The following MAP3K4 variants were observed in gnomAD, a reference collection of about 807,000 sequenced individuals.
MAP3K4 encodes MAP three kinase 1.
Under a neutral mutation model 185.6 loss-of-function variants are expected in MAP3K4, and 67 were observed. That is an observed-to-expected ratio of 0.36 (90% CI 0.30 to 0.44). The LOEUF is 0.44. Among genes scored for constraint, MAP3K4 ranks in the 20% least tolerant of loss-of-function variants. The pLI is 1.00. For missense variants in MAP3K4, 1,551 were observed against 1,995.1 expected, an observed-to-expected ratio of 0.78 and a Z score of 4.24; for synonymous variants, 702 against 710.4, an observed-to-expected ratio of 0.99 and a Z score of 0.19.
At position 161,090,461 on chromosome 6, in the gene MAP3K4, A is replaced by G. The variant is rs552105621; in HGVS notation, c.2974-918A>G. ...ATTGTAGGATGTTTAGAGCTAGGGC[A>G]GGGCTTCTCAGCCTCTTGGATGTGG... On this transcript the variant is annotated intron_variant, in intron 11 of 26. Coordinates refer to ENST00000392142, the MANE Select transcript of MAP3K4 (RefSeq NM_005922.4). 3.6e-5 allele frequency among the ~76,000 whole-genome samples: 5 copies of G among 139,268 alleles called. No individual in the cohort carries two copies. In the South Asian group the frequency reaches 1.2e-3, roughly 33 times the overall value. 91.4% of individuals were successfully genotyped at this position (139,268 alleles called of 152,430 possible).
At chr6:161,079,446 G>A (rs894400941) in intron 5 of MAP3K4, among the ~76,000 whole-genome samples, 11 of 151,884 alleles carry the variant, frequency 7.2e-5, no homozygotes, top group African/African-American at 1.2e-4. Flanking sequence ...TTGTGGTGGC[G>A]CATGCCTGTA....
chr6:161,104,461 C>T (rs1777972467), intron 19 of MAP3K4, among the ~76,000 whole-genome samples: 1 of 150,618 alleles, frequency 6.6e-6, no homozygotes, highest in Non-Finnish European at 1.5e-5. Context: ...CACCTGTAAT[C>T]CCAGCACTTT....
chr6:161,026,528 T>C (rs944165352), intron 1 of MAP3K4, among the ~76,000 whole-genome samples: 3 of 152,144 alleles, frequency 2.0e-5, no homozygotes, highest in Non-Finnish European at 4.4e-5. Context: ...GATGAAGATA[T>C]ATATAGACAC....
intron 1 of MAP3K4, among the ~76,000 whole-genome samples, chr6:161,015,532 G>A (rs1272071108): frequency 6.6e-6 from 1 of 152,148 alleles, no homozygotes; most frequent in Non-Finnish European, 1.5e-5. Context: ...AATTTATAAA[G>A]AAAAGAGGTT....
At position 160,992,008 on chromosome 6, in the gene MAP3K4, C is replaced by T; in HGVS notation, c.77C>T (p.Pro26Leu). Residue 26 changes from proline to leucine, a missense_variant, in exon 1 of 27, where the codon CCG becomes CTG. Physicochemically the swap from Pro to Leu is moderately conservative, Grantham distance 98 (BLOSUM62 -3). Around this residue, in one of 16 missense-constraint regions of MAP3K4, gnomAD observed 287 missense variants for 268.8 expected, o/e 1.07. Transcript: ENST00000392142. ...CCTGCCGCCGCCATGGAGGAGCCGCCGCCACCGCCGCCGCCGCCACCACCG... is the reference window on the plus strand; with the variant it reads ...CCTGCCGCCGCCATGGAGGAGCCGCTGCCACCGCCGCCGCCGCCACCACCG... ...VTPAAAMEEP[P>L]PPPPPPPPPP... 1.9e-6 allele frequency: 3 copies of T among 1,545,020 alleles called. No individual in the cohort carries two copies. Among genetic ancestry groups the T allele is most frequent in the East Asian group, 2.5e-5 (1 of 40,262 alleles).
rs1483454769 is a variant in MAP3K4 at position 161,091,911 on chromosome 6, T to G, written c.3136-99T>G. The G allele has an allele frequency of 9.8e-7, 1 of 1,022,200 alleles. No homozygotes were observed. Among genetic ancestry groups the G allele is most frequent in the East Asian group, 2.4e-5 (1 of 41,856 alleles). The allele number at this position is 1,022,200 out of a possible 1,614,324, so 63.3% of individuals were successfully genotyped here. A position where few individuals can be genotyped will look rare whatever the true frequency, so the allele number is the denominator to read the frequency against. On this transcript the variant is annotated intron_variant, in intron 12 of 26. Transcript: ENST00000392142. The surrounding 1 kb of genome is among the most constrained non-coding windows in gnomAD (Gnocchi z 5.5). Reference sequence around the variant, plus strand: ...TATAGAAATTTTAATTGGATTTCACTTTTTGTTTTTAGAAAACATTTTAGA... The same window carrying G: ...TATAGAAATTTTAATTGGATTTCACGTTTTGTTTTTAGAAAACATTTTAGA...
Position 161,051,910 on chromosome 6 carries a change from C to G in MAP3K4, c.1707+1931C>G, listed in dbSNP as rs1276317258. On this transcript the variant is annotated intron_variant, in intron 3 of 26. Transcript: ENST00000392142. This position sits in a 1 kb window ranked among gnomAD's most constrained non-coding sequence, Gnocchi z 4.2. ...CTACGTTGCCCAGGCTGGACTCAAACTCGTGGGCTAAAACAGTCCTCCTGC... is the reference window on the plus strand; with the variant it reads ...CTACGTTGCCCAGGCTGGACTCAAAGTCGTGGGCTAAAACAGTCCTCCTGC... Among the ~76,000 whole-genome samples, 2 of 152,190 alleles carry G rather than the reference C, an allele frequency of 1.3e-5. No individual in the cohort carries two copies. The highest frequency in any genetic ancestry group is 4.1e-4 in the South Asian group (2 of 4,828).
intron 1 of MAP3K4, among the ~76,000 whole-genome samples, chr6:161,026,916 A>G (rs987084122): frequency 6.6e-6 from 1 of 151,962 alleles, no homozygotes; most frequent in Admixed American, 6.6e-5. Context: ...TTTATTTCTA[A>G]TGATGAGTAA....
Position 161,053,350 on chromosome 6 carries a change from T to A in MAP3K4, c.1707+3371T>A, listed in dbSNP as rs1204357415. Among the ~76,000 whole-genome samples the A allele has an allele frequency of 6.6e-6, 1 of 152,196 alleles. No individual in the cohort carries two copies. The highest frequency in any genetic ancestry group is 1.5e-5 in the Non-Finnish European group (1 of 68,032). On this transcript the variant is annotated intron_variant, in intron 3 of 26. Coordinates refer to ENST00000392142, the MANE Select transcript of MAP3K4 (RefSeq NM_005922.4). The surrounding 1 kb of genome is among the most constrained non-coding windows in gnomAD (Gnocchi z 4.2). ...CACCCCCAACATTGGGGATTACTATTCAACATAGGGTGGGGACACAGATCC... is the reference window on the plus strand; with the variant it reads ...CACCCCCAACATTGGGGATTACTATACAACATAGGGTGGGGACACAGATCC...
At chr6:161,057,924 G>C (rs1784315137) in intron 3 of MAP3K4, among the ~76,000 whole-genome samples, 1 of 152,218 alleles carries the variant, frequency 6.6e-6, no homozygotes, top group Non-Finnish European at 1.5e-5. Flanking sequence ...TGAGCAAACC[G>C]ACTCAAACTG....
intron 1 of MAP3K4, among the ~76,000 whole-genome samples, chr6:160,998,957 T>C (rs1222221659): frequency 6.6e-6 from 1 of 152,182 alleles, no homozygotes. Context: ...ACGTTCATGT[T>C]TTGCAATTTG....
chr6:161,055,878 A>C (rs1459811659), intron 3 of MAP3K4, among the ~76,000 whole-genome samples: 1 of 152,090 alleles, frequency 6.6e-6, no homozygotes, highest in Non-Finnish European at 1.5e-5. Context: ...ACCACACACA[A>C]CCCACTCTCA....
At chr6:161,045,387 TAAC>T (rs757988554) in intron 2 of MAP3K4, among the ~76,000 whole-genome samples, 2 of 152,234 alleles carry the variant, frequency 1.3e-5, no homozygotes, top group Non-Finnish European at 2.9e-5. Flanking sequence ...GAGATAAACT[TAAC>T]AAGATTTGTA....
rs1269583680 is a variant in MAP3K4, at chr6:161,054,261, T to C, written c.1707+4282T>C. On this transcript the variant is annotated intron_variant, in intron 3 of 26. Transcript: ENST00000392142. This position sits in a 1 kb window ranked among gnomAD's most constrained non-coding sequence, Gnocchi z 4.2. The stretch of plus-strand genomic sequence containing the variant: ...CCTTTGCCTTGGGGGTTCAGGCTAT[T>C]CTCCTGCCTCAGCCTCCGGAGTAGC... Among the ~76,000 whole-genome samples, 1 of 151,888 alleles carries C rather than the reference T, an allele frequency of 6.6e-6. No individual in the cohort carries two copies. Among genetic ancestry groups the C allele is most frequent in the East Asian group, 2.0e-4 (1 of 5,112 alleles).
chr6:161,116,809 C>T lies in MAP3K4; in HGVS notation c.4807-41C>T. The T allele has an allele frequency of 6.2e-7, 1 of 1,607,878 alleles. No individual in the cohort carries two copies. The highest frequency in any genetic ancestry group is 1.1e-5 in the South Asian group (1 of 90,890). On this transcript the variant is annotated intron_variant, in intron 26 of 26. Coordinates refer to ENST00000392142, the MANE Select transcript of MAP3K4 (RefSeq NM_005922.4). This position sits in a 1 kb window ranked among gnomAD's most constrained non-coding sequence, Gnocchi z 6.2. ...ACTGCGCGTATGCACAAGCACACAC[C>T]TGGCTCTGCAAGAGCTCAGCTCTCT...
intron 1 of MAP3K4, among the ~76,000 whole-genome samples, chr6:161,021,895 AAATC>A (rs1220766617): frequency 2.6e-5 from 4 of 152,228 alleles, no homozygotes; most frequent in Non-Finnish European, 4.4e-5. Context: ...ACCTGTAAGT[AAATC>A]AATCAAATTA....
Position 160,992,049 on chromosome 6 carries a change from A to G in MAP3K4, c.118A>G (p.Thr40Ala). 6.3e-7 allele frequency: 1 copy of G among 1,583,324 alleles called. No individual in the cohort carries two copies. ...PPPPPPPEPE[T>A]ESEPECCLAA... Reference sequence around the variant, plus strand: ...GCCACCACCGCCACCGGAACCCGAGACCGAGTCAGAACCCGAGTGCTGCTT... The same window carrying G: ...GCCACCACCGCCACCGGAACCCGAGGCCGAGTCAGAACCCGAGTGCTGCTT... Residue 40 changes from threonine (T) to alanine (A), a missense_variant, in exon 1 of 27, where the codon ACC becomes GCC. Transcript: ENST00000392142.
Position 161,114,788 on chromosome 6 carries a change from A to G in MAP3K4, c.4627-335A>G, listed in dbSNP as rs1003382775. ...ATTTTATATATTTTTTAGTTGCATG[A>G]TGATGGCTTCTAGATACTGTTGGAC... On this transcript the variant is annotated intron_variant, in intron 25 of 26. Transcript: ENST00000392142. The surrounding 1 kb of genome is among the most constrained non-coding windows in gnomAD (Gnocchi z 4.3). Among the ~76,000 whole-genome samples the G allele has an allele frequency of 6.6e-6, 1 of 152,230 alleles. No individual in the cohort carries two copies. The highest frequency in any genetic ancestry group is 2.4e-5 in the African/African-American group (1 of 41,462).
intron 7 of MAP3K4, among the ~76,000 whole-genome samples, chr6:161,085,207 C>T (rs1321514641): frequency 2.0e-5 from 3 of 151,404 alleles, no homozygotes; most frequent in Non-Finnish European, 4.4e-5. Flanking sequence ...GTAGAATTTT[C>T]TTTATTTACA....
Sources: allele counts gnomAD v4.1 joint callset (sites outside exome capture counted in the v4.1 genomes callset), GRCh38; gene constraint gnomAD v4.1.1; regional missense constraint gnomAD v4.1.1; non-coding constraint Gnocchi (gnomAD v3.1); transcripts MANE v1.5; gene names NCBI Gene and HGNC (gene_info 2026-07-23, HGNC 2026-07-21).